Variants in HSPBAP1 observed in about 807,000 individuals in gnomAD.
HSPBAP1 encodes HSPB1-associated protein 1.
Under a neutral mutation model 45.2 loss-of-function variants are expected in HSPBAP1, and 27 were observed. That is an observed-to-expected ratio of 0.60 (90% CI 0.44 to 0.82). The LOEUF (loss-of-function observed/expected upper bound fraction) is 0.82, where lower values mean the gene tolerates loss of function less well. HSPBAP1 is among the 40% of genes least tolerant of loss of function. The pLI is 0.00. For synonymous variants in HSPBAP1, 204 were observed against 202.7 expected (o/e 1.01, Z -0.06); for missense variants, 510 against 590.9 (o/e 0.86, Z 1.42).
At chr3:122,772,078 G>A (rs985829162) in intron 2 of HSPBAP1, among the ~76,000 whole-genome samples, 5 of 152,100 alleles carry the variant, frequency 3.3e-5, no homozygotes, top group Admixed American at 6.5e-5. Flanking sequence ...TATTTCCTTC[G>A]TAACAGTTAT....
Position 122,755,319 on chromosome 3 carries a change from T to G in HSPBAP1, c.682A>C (p.Lys228Gln). Residue 228 changes from lysine (K) to glutamine (Q), a missense_variant, in exon 5 of 8, where the codon AAG (lysine) becomes CAG (glutamine). Transcript: ENST00000306103. Reference sequence around the variant, plus strand: ...GCTTTCCGGAACTGAGGAAAACGCTTTAAATCAGGATTGACAACATTGATT... The same window carrying G: ...GCTTTCCGGAACTGAGGAAAACGCTGTAAATCAGGATTGACAACATTGATT... ...SKINVVNPDLKRFPQFRKAQR... is the reference protein window; with the variant it reads ...SKINVVNPDLQRFPQFRKAQR... The G allele has an allele frequency of 1.2e-6, 2 of 1,606,040 alleles. No individual in the cohort carries two copies. The highest frequency in any genetic ancestry group is 1.7e-6 in the Non-Finnish European group (2 of 1,176,584).
intron 1 of HSPBAP1, among the ~76,000 whole-genome samples, chr3:122,779,492 TTTTATTTA>T (rs58626370): frequency 3.4e-4 from 49 of 144,414 alleles, no homozygotes; most frequent in African/African-American, 7.8e-4. Context: ...ATATGTTTTC[TTTTATTTA>T]TTTATTTATT....
chr3:122,759,185 CCACACA>C (rs10657578), intron 4 of HSPBAP1, 33 bp downstream of exon 4: 671 of 1,463,704 alleles, frequency 4.6e-4, no homozygotes, highest in Admixed American at 1.9e-3. Flanking sequence ...CATGTGCGTT[CCACACA>C]CACACACACA....
intron 6 of HSPBAP1, among the ~76,000 whole-genome samples, chr3:122,742,945 C>T (rs1421743902): frequency 6.6e-6 from 1 of 152,176 alleles, no homozygotes; most frequent in Non-Finnish European, 1.5e-5. Flanking sequence ...TACATGTAGA[C>T]ATCATGTAAA....
chr3:122,768,561 T>G (rs1934869178), intron 3 of HSPBAP1, 140 bp downstream of exon 3: 1 of 618,476 alleles, frequency 1.6e-6, no homozygotes, highest in Admixed American at 2.9e-5. Context: ...AATCTTTTGG[T>G]TTGAGTGGGT....
At chr3:122,742,563 C>A (rs896204777) in intron 6 of HSPBAP1, among the ~76,000 whole-genome samples, 4 of 152,118 alleles carry the variant, frequency 2.6e-5, no homozygotes, top group Non-Finnish European at 4.4e-5. Flanking sequence ...GGTGGCTAGA[C>A]AATAGCACCC....
chr3:122,767,231 T>C (rs938500238), intron 3 of HSPBAP1, among the ~76,000 whole-genome samples: 2 of 152,226 alleles, frequency 1.3e-5, no homozygotes, highest in African/African-American at 4.8e-5. Flanking sequence ...AGAATGAAAA[T>C]ACATTCTCAA....
intron 1 of HSPBAP1, among the ~76,000 whole-genome samples, chr3:122,780,713 C>G (rs1312404819): frequency 3.3e-5 from 5 of 149,786 alleles, no homozygotes; most frequent in African/African-American, 9.9e-5. Context: ...TCCTCACTTC[C>G]CAGACGGGGT....
At chr3:122,792,528 C>G (rs1038246249) in intron 1 of HSPBAP1, among the ~76,000 whole-genome samples, 2 of 152,000 alleles carry the variant, frequency 1.3e-5, no homozygotes, top group South Asian at 2.1e-4. Context: ...GGCATCTCCC[C>G]CTTCAGCAAA....
rs144353961 is a variant in HSPBAP1, at chr3:122,740,646, C to A, written c.1166G>T (p.Gly389Val). The change falls in exon 8 of 8, where the codon GGC becomes GTC. Residue 389 changes from glycine (G) to valine (V), a missense_variant. By Grantham distance (109) the Gly-to-Val change is moderately radical. Transcript: ENST00000306103. ...TDKPEAASPF[G>V]PDLVPVAQRS... ...CTGTGCTACAGGGACCAGATCAGGG[C>A]CAAAGGGACTTGCTGCCTCCGGTTT... 2 of 1,613,980 alleles carry A rather than the reference C, an allele frequency of 1.2e-6. No homozygotes were observed.
chr3:122,754,933 T>TGAGC, intron 5 of HSPBAP1: 1 of 1,029,866 alleles, frequency 9.7e-7, no homozygotes, highest in Non-Finnish European at 1.2e-6. Context: ...GTTCCAGAGA[T>TGAGC]GCTCGAGTAC....
intron 6 of HSPBAP1, among the ~76,000 whole-genome samples, chr3:122,748,280 A>T: frequency 6.6e-6 from 1 of 152,074 alleles, no homozygotes; most frequent in South Asian, 2.1e-4. Context: ...GGAAAACCAG[A>T]GACCTTTGTT....
At chr3:122,788,689 G>A (rs1198384663) in intron 1 of HSPBAP1, among the ~76,000 whole-genome samples, 7 of 152,136 alleles carry the variant, frequency 4.6e-5, no homozygotes, top group African/African-American at 1.4e-4. Context: ...AAATAAGCCA[G>A]TCACAAGAAG....
chr3:122,753,385 C>T (rs1187842805), intron 5 of HSPBAP1: 2 of 402,196 alleles, frequency 5.0e-6, no homozygotes, highest in Admixed American at 2.4e-4. Context: ...GGACAGCGGA[C>T]TTCAGAATCT....
At chr3:122,753,388 C>CGGAATA (rs1934229748) in intron 5 of HSPBAP1, 2 of 941,456 alleles carry the variant, frequency 2.1e-6, no homozygotes, top group Non-Finnish European at 2.5e-6. Context: ...CAGCGGACTT[C>CGGAATA]AGAATCTAGA....
rs74824564 is a variant in HSPBAP1 at position 122,759,340 on chromosome 3, G to T, written c.453C>A (p.Phe151Leu). 1 of 1,613,806 alleles carries T rather than the reference G, an allele frequency of 6.2e-7. No homozygotes were observed. Among genetic ancestry groups the T allele is most frequent in the Non-Finnish European group, 8.5e-7 (1 of 1,179,804 alleles). ...DLFQDVKWSD[F>L]GFPGRNGQES... The stretch of plus-strand genomic sequence containing the variant: ...CCTGTCCATTTCTTCCAGGAAACCC[G>T]AAGTCAGACCATTTCACATCCTGTT... The change falls in exon 4 of 8, where the codon TTC (phenylalanine) becomes TTA (leucine). Residue 151 changes from phenylalanine (F) to leucine (L), a missense_variant. Physicochemically the swap from Phe to Leu is conservative, Grantham distance 22 (BLOSUM62 0). Coordinates refer to ENST00000306103, the MANE Select transcript of HSPBAP1 (RefSeq NM_024610.6).
chr3:122,774,777 G>A (rs1935129198), intron 2 of HSPBAP1, among the ~76,000 whole-genome samples: 1 of 152,088 alleles, frequency 6.6e-6, no homozygotes, highest in Admixed American at 6.6e-5. Flanking sequence ...TAGATATTTA[G>A]GATGTAAGTC....
chr3:122,761,615 G>GTT (rs11413351), intron 3 of HSPBAP1: 2,316 of 137,792 alleles, frequency 0.017, 68 homozygotes, highest in African/African-American at 0.051. Flanking sequence ...CTACAAAAAG[G>GTT]TTTTTTTTTT....
chr3:122,792,658 AG>A (rs199884497), intron 1 of HSPBAP1, among the ~76,000 whole-genome samples: 4,918 of 152,156 alleles, frequency 0.032, 108 homozygotes, highest in Middle Eastern at 0.078. Context: ...GCGGATCACA[AG>A]GTCAAGAGAG....
Sources: allele counts gnomAD v4.1 joint callset (sites outside exome capture counted in the v4.1 genomes callset), GRCh38; gene constraint gnomAD v4.1.1; transcripts MANE v1.5; gene names NCBI Gene and HGNC (gene_info 2026-07-23, HGNC 2026-07-21).